The following PIK3C2A variants were observed in gnomAD, a reference collection of about 807,000 sequenced individuals.
The protein encoded by PIK3C2A is phosphatidylinositol-4-phosphate 3-kinase catalytic subunit type 2 alpha.
In PIK3C2A, 97 loss-of-function variants were observed where a neutral mutation model predicts 204.5. The ratio of observed to expected loss-of-function variants is 0.47; its 90% CI spans 0.40 to 0.56. PIK3C2A has a LOEUF of 0.56. PIK3C2A is among the 20% of genes least tolerant of loss of function. The pLI is 0.00. For missense variants in PIK3C2A, 1,735 were observed against 1,969.2 expected, an observed-to-expected ratio of 0.88 and a Z score of 2.25; for synonymous variants, 653 against 664.4, an observed-to-expected ratio of 0.98 and a Z score of 0.26.
At chr11:17,186,627 T>G (rs1345563698) in intron 1 of PIK3C2A, among the ~76,000 whole-genome samples, 1 of 152,232 alleles carries the variant, frequency 6.6e-6, no homozygotes, top group Non-Finnish European at 1.5e-5. Context: ...TGCCAAATAA[T>G]ATGCCGTCAA....
At position 17,086,626 on chromosome 11, in the gene PIK3C2A, T is replaced by A. The variant is rs1848171360; in HGVS notation, c.*3112A>T. On this transcript the variant is annotated 3_prime_UTR_variant, in exon 33 of 33. Transcript: ENST00000691414. Reference sequence around the variant, plus strand: ...ATCGTAGTACAGTTATGAAGTCACATTCAATCCACTGAATATATTCAAGGT... The same window carrying A: ...ATCGTAGTACAGTTATGAAGTCACAATCAATCCACTGAATATATTCAAGGT... 6.6e-6 allele frequency: 1 copy of A among 152,188 alleles called. No individual in the cohort carries two copies. The highest frequency in any genetic ancestry group is 1.5e-5 in the Non-Finnish European group (1 of 68,026). The allele number at this position is 152,188 out of a possible 1,614,324, so 9.4% of individuals were successfully genotyped here.
At chr11:17,202,762 C>G (rs899961182) in intron 1 of PIK3C2A, among the ~76,000 whole-genome samples, 2 of 152,184 alleles carry the variant, frequency 1.3e-5, no homozygotes, top group Non-Finnish European at 2.9e-5. Flanking sequence ...CTATAACCAT[C>G]AGTCAATCCA....
At chr11:17,206,588 TAAA>T (rs567568074) in intron 1 of PIK3C2A, among the ~76,000 whole-genome samples, 1 of 136,740 alleles carries the variant, frequency 7.3e-6, no homozygotes, top group Admixed American at 7.3e-5. Flanking sequence ...CCATGTCAAT[TAAA>T]AAAAAAAAAA....
At chr11:17,120,120 C>T in intron 15 of PIK3C2A, 146 bp from the exon 16 acceptor site, 1 of 491,362 alleles carries the variant, frequency 2.0e-6, no homozygotes, top group Non-Finnish European at 3.5e-6. Flanking sequence ...TAGAAAAATG[C>T]AATGTATGGC....
intron 1 of PIK3C2A, among the ~76,000 whole-genome samples, chr11:17,183,933 C>CTTTTTTT (rs1451888577): frequency 1.4e-5 from 2 of 147,612 alleles, no homozygotes; most frequent in Non-Finnish European, 3.0e-5. Flanking sequence ...AGTGAGAACC[C>CTTTTTTT]TCTTTAAAAA....
chr11:17,116,347 C>A (rs952808155), intron 19 of PIK3C2A, among the ~76,000 whole-genome samples: 1 of 152,066 alleles, frequency 6.6e-6, no homozygotes, highest in African/African-American at 2.4e-5. Context: ...CGAGATACTG[C>A]TTCACACCCA....
chr11:17,135,226 C>T, intron 9 of PIK3C2A, 67 bp from the exon 10 acceptor site: 2 of 1,507,946 alleles, frequency 1.3e-6, no homozygotes, highest in Non-Finnish European at 1.8e-6. Context: ...ATGTCAAATA[C>T]TATGTCCAAG....
In PIK3C2A at chr11:17,157,017, A is replaced by C. The variant is rs1221046975; in HGVS notation, c.1066-1388T>G. 2.0e-5 allele frequency among the ~76,000 whole-genome samples: 3 copies of C among 152,280 alleles called. No individual in the cohort carries two copies. In the South Asian group the frequency reaches 6.2e-4, roughly 32 times the overall value. ...TTTATATCAATATAACTCTGTAATC[A>C]AAGCCCTAACTAAAACGATAATAGG... On this transcript the variant is annotated intron_variant, in intron 2 of 32. Coordinates refer to ENST00000691414, the MANE Select transcript of PIK3C2A (RefSeq NM_002645.4).
chr11:17,206,649 G>T (rs1217382489), intron 1 of PIK3C2A, among the ~76,000 whole-genome samples: 1 of 151,558 alleles, frequency 6.6e-6, no homozygotes, highest in Non-Finnish European at 1.5e-5. Flanking sequence ...AGTCTCTTGT[G>T]GAGACTTGAA....
intron 8 of PIK3C2A, among the ~76,000 whole-genome samples, chr11:17,141,088 T>C (rs1465636338): frequency 2.6e-5 from 4 of 152,138 alleles, no homozygotes; most frequent in Admixed American, 1.3e-4. Context: ...AGTGAGTCCA[T>C]ACTGTGCGGA....
intron 1 of PIK3C2A, among the ~76,000 whole-genome samples, chr11:17,170,295 C>T (rs1324426863): frequency 6.6e-6 from 1 of 152,094 alleles, no homozygotes; most frequent in Admixed American, 6.6e-5. Flanking sequence ...GTCAATAAAA[C>T]AGGAAACTAT....
At chr11:17,131,556 G>A (rs1031851956) in intron 12 of PIK3C2A, among the ~76,000 whole-genome samples, 26 of 151,540 alleles carry the variant, frequency 1.7e-4, no homozygotes, top group African/African-American at 5.8e-4. Context: ...CGAGTAGCTG[G>A]GACCACAGGC....
At position 17,105,283 on chromosome 11, in the gene PIK3C2A, A is replaced by C; in HGVS notation, c.3567T>G (p.Ala1189=). The C allele has an allele frequency of 5.0e-6, 8 of 1,610,972 alleles. No homozygotes were observed. Among genetic ancestry groups the C allele is most frequent in the Non-Finnish European group, 6.8e-6 (8 of 1,178,610 alleles). Reference sequence around the variant, plus strand: ...CTTGGATTTTCCTGAGGGTATCGGAAGCAGGAACCAGCTCCACCATGCCTT... The same window carrying C: ...CTTGGATTTTCCTGAGGGTATCGGACGCAGGAACCAGCTCCACCATGCCTT... ...RDRGMVELVP[A]SDTLRKIQVE... Residue 1189 remains alanine (A), a synonymous_variant, in exon 23 of 33, where the codon GCT becomes GCG. Coordinates refer to ENST00000691414, the MANE Select transcript of PIK3C2A (RefSeq NM_002645.4).
intron 22 of PIK3C2A, among the ~76,000 whole-genome samples, chr11:17,106,849 T>C (rs1478803728): frequency 6.6e-6 from 1 of 152,204 alleles, no homozygotes; most frequent in Non-Finnish European, 1.5e-5. Flanking sequence ...TTTAATCATA[T>C]ATTTGGGCAA....
chr11:17,093,199 A>C (rs1848357523), intron 28 of PIK3C2A, among the ~76,000 whole-genome samples: 1 of 152,222 alleles, frequency 6.6e-6, no homozygotes, highest in Non-Finnish European at 1.5e-5. Context: ...GCTACATTAA[A>C]ACTGAAGACT....
intron 15 of PIK3C2A, 73 bp from the exon 16 acceptor site, chr11:17,120,047 A>C (rs1849323931): frequency 1.5e-6 from 1 of 647,084 alleles, no homozygotes; most frequent in Non-Finnish European, 2.4e-6. Context: ...TAAAAATACA[A>C]AGAAGAAATT....
intron 21 of PIK3C2A, 134 bp downstream of exon 21, chr11:17,112,440 A>G (rs922114547): frequency 2.5e-6 from 1 of 402,444 alleles, no homozygotes; most frequent in Admixed American, 4.3e-5. Context: ...GCGTCAGAAC[A>G]AGACCCTGTG....
chr11:17,123,469 A>C (rs1053453568), intron 13 of PIK3C2A, among the ~76,000 whole-genome samples: 13 of 149,332 alleles, frequency 8.7e-5, no homozygotes, highest in Non-Finnish European at 1.6e-4. Flanking sequence ...ATGTTGCCCA[A>C]GCTCGTCTTG....
chr11:17,165,443 C>T (rs1450061624), intron 2 of PIK3C2A, among the ~76,000 whole-genome samples: 8 of 152,112 alleles, frequency 5.3e-5, no homozygotes, highest in African/African-American at 1.7e-4. Context: ...AGGGAACTTA[C>T]TCCTTCCAAA....
Sources: allele counts gnomAD v4.1 joint callset (sites outside exome capture counted in the v4.1 genomes callset), GRCh38; gene constraint gnomAD v4.1.1; transcripts MANE v1.5; gene names NCBI Gene and HGNC (gene_info 2026-07-23, HGNC 2026-07-21).